ITGA9: variants seen among roughly 807,000 people sequenced by gnomAD.
ITGA9 encodes integrin subunit alpha 9.
A neutral mutation model predicts 127.8 loss-of-function variants in ITGA9; 56 were observed. That is an observed-to-expected ratio of 0.44 (90% CI 0.35 to 0.55). ITGA9 has a LOEUF of 0.55. Among genes scored for constraint, ITGA9 ranks in the 20% least tolerant of loss-of-function variants. ITGA9 has a pLI of 0.00. For synonymous variants in ITGA9, 508 were observed against 514.5 expected (o/e 0.99, Z 0.17); for missense variants, 1,196 against 1,347.1 (o/e 0.89, Z 1.76).
In ITGA9 at chr3:37,819,119, C is replaced by G; in HGVS notation, c.*130C>G. 1.3e-6 allele frequency: 1 copy of G among 769,024 alleles called. No homozygotes were observed. The highest frequency in any genetic ancestry group is 1.5e-5 in the South Asian group (1 of 67,068). The allele number at this position is 769,024 out of a possible 1,614,324, so 47.6% of individuals were successfully genotyped here. On this transcript the variant is annotated 3_prime_UTR_variant, in exon 28 of 28. Transcript: ENST00000264741. ...CACTGATGCTGTTCTCTTCTTCATT[C>G]TATCAAGCCCAGGTGCCAGCCTGAG...
At chr3:37,681,419 A>G (rs1700733533) in intron 17 of ITGA9, among the ~76,000 whole-genome samples, 1 of 152,192 alleles carries the variant, frequency 6.6e-6, no homozygotes, top group African/African-American at 2.4e-5. Context: ...ATCTGTTCTC[A>G]CATCGCTGCC....
intron 18 of ITGA9, among the ~76,000 whole-genome samples, chr3:37,716,062 A>G (rs77760547): frequency 0.019 from 2,886 of 152,316 alleles, 87 homozygotes; most frequent in African/African-American, 0.066. Context: ...CGTCTAAAGT[A>G]TAGGTCACAT....
intron 22 of ITGA9, among the ~76,000 whole-genome samples, chr3:37,747,862 G>T (rs767634853): frequency 6.6e-5 from 10 of 152,022 alleles, no homozygotes; most frequent in Admixed American, 1.3e-4. Flanking sequence ...CTGAGTAGCT[G>T]GGACTAGAGT....
intron 26 of ITGA9, chr3:37,790,766 G>A (rs1173526992): frequency 6.5e-6 from 1 of 152,888 alleles, no homozygotes; most frequent in Non-Finnish European, 1.5e-5. Flanking sequence ...TGAGACCTGT[G>A]TGACTGCAGA....
At chr3:37,516,527 T>A (rs1364999074) in intron 9 of ITGA9, among the ~76,000 whole-genome samples, 2 of 152,200 alleles carry the variant, frequency 1.3e-5, no homozygotes, top group Non-Finnish European at 2.9e-5. Flanking sequence ...CAGTTGCTGG[T>A]GTTCCTCTCC....
At chr3:37,506,269 A>C (rs1172934078) in intron 7 of ITGA9, among the ~76,000 whole-genome samples, 184 bp downstream of exon 7, 1 of 151,974 alleles carries the variant, frequency 6.6e-6, no homozygotes, top group African/African-American at 2.4e-5. Context: ...GCTCAATTAG[A>C]GTGTGAGTAT....
intron 3 of ITGA9, among the ~76,000 whole-genome samples, chr3:37,474,533 A>C (rs1175712035): frequency 7.1e-6 from 1 of 140,198 alleles, no homozygotes; most frequent in African/African-American, 2.5e-5. Flanking sequence ...GTGAGTGCAC[A>C]GCCCGATGGG....
intron 21 of ITGA9, among the ~76,000 whole-genome samples, 169 bp downstream of exon 21, chr3:37,741,988 T>C (rs1160908834): frequency 6.6e-6 from 1 of 152,176 alleles, no homozygotes; most frequent in Non-Finnish European, 1.5e-5. Flanking sequence ...ACTCATACAC[T>C]CCTCCCTCCT....
intron 23 of ITGA9, among the ~76,000 whole-genome samples, chr3:37,773,583 T>G (rs1696869868): frequency 6.8e-6 from 1 of 147,184 alleles, no homozygotes; most frequent in East Asian, 1.9e-4. Flanking sequence ...TAGATAAATT[T>G]AACTCTCTTT....
chr3:37,620,231 G>A (rs376699007), intron 15 of ITGA9, among the ~76,000 whole-genome samples: 1 of 152,204 alleles, frequency 6.6e-6, no homozygotes, highest in East Asian at 1.9e-4. Context: ...GGCTTCGCTG[G>A]AGGAGATGGC....
At chr3:37,553,119 A>C (rs549141236) in intron 15 of ITGA9, among the ~76,000 whole-genome samples, 1 of 152,222 alleles carries the variant, frequency 6.6e-6, no homozygotes, top group Non-Finnish European at 1.5e-5. Context: ...GATTCCCTAA[A>C]TGTCATTTGC....
At chr3:37,622,980 G>A (rs1231029671) in intron 15 of ITGA9, among the ~76,000 whole-genome samples, 1 of 152,082 alleles carries the variant, frequency 6.6e-6, no homozygotes, top group Non-Finnish European at 1.5e-5. Flanking sequence ...TGTCCTGTAT[G>A]TCTGTTATGT....
At chr3:37,707,412 T>C (rs547851314) in intron 18 of ITGA9, among the ~76,000 whole-genome samples, 57 of 152,346 alleles carry the variant, frequency 3.7e-4, no homozygotes, top group African/African-American at 1.3e-3. Flanking sequence ...CTTGTTTTTA[T>C]TATGTTTGTG....
intron 18 of ITGA9, among the ~76,000 whole-genome samples, chr3:37,697,992 A>C (rs1346195412): frequency 6.6e-6 from 1 of 152,214 alleles, no homozygotes; most frequent in Admixed American, 6.5e-5. Flanking sequence ...CCTCTCCAGC[A>C]TCTGTGGTTT....
At chr3:37,594,231 T>C in intron 15 of ITGA9, among the ~76,000 whole-genome samples, 1 of 152,220 alleles carries the variant, frequency 6.6e-6, no homozygotes, top group Non-Finnish European at 1.5e-5. Context: ...CATTCCTGCC[T>C]GACTGGCAGT....
At chr3:37,798,238 C>T (rs1697197349) in intron 26 of ITGA9, among the ~76,000 whole-genome samples, 1 of 152,202 alleles carries the variant, frequency 6.6e-6, no homozygotes, top group Non-Finnish European at 1.5e-5. Context: ...AACCCTCCCA[C>T]CCTGGCCTCC....
intron 23 of ITGA9, among the ~76,000 whole-genome samples, chr3:37,764,433 G>A (rs1333885417): frequency 8.6e-6 from 1 of 116,412 alleles, no homozygotes; most frequent in Non-Finnish European, 1.6e-5. Context: ...TAATTTATCC[G>A]TATAATGCTC....
At chr3:37,506,883 A>G (rs1376744233) in intron 7 of ITGA9, among the ~76,000 whole-genome samples, 1 of 152,208 alleles carries the variant, frequency 6.6e-6, no homozygotes, top group East Asian at 1.9e-4. Context: ...GAGTCTGGTC[A>G]TATCTCCCAG....
intron 2 of ITGA9, 105 bp downstream of exon 2, chr3:37,471,239 C>T (rs1698428132): frequency 8.1e-7 from 1 of 1,232,792 alleles, no homozygotes; most frequent in Non-Finnish European, 1.2e-6. Flanking sequence ...TCCATCCTTC[C>T]CTCCTTCCCT....
Sources: allele counts gnomAD v4.1 joint callset (sites outside exome capture counted in the v4.1 genomes callset), GRCh38; gene constraint gnomAD v4.1.1; transcripts MANE v1.5; gene names NCBI Gene and HGNC (gene_info 2026-07-23, HGNC 2026-07-21).